Variants in AOAH observed in about 807,000 individuals in gnomAD.
The protein encoded by AOAH is acyloxyacyl hydrolase (neutrophil).
Under a neutral mutation model 92.2 loss-of-function variants are expected in AOAH, and 64 were observed. The ratio of observed to expected loss-of-function variants is 0.69; its 90% confidence interval spans 0.57 to 0.86. The LOEUF (loss-of-function observed/expected upper bound fraction) is 0.86, where lower values mean the gene tolerates loss of function less well. AOAH is among the 40% of genes least tolerant of loss of function. The pLI, the probability that AOAH is intolerant of heterozygous loss-of-function variation, is 0.00. For synonymous variants in AOAH, 263 were observed against 254.5 expected, an observed-to-expected ratio of 1.03 and a Z score of -0.32; for missense variants, 656 against 694.6, an observed-to-expected ratio of 0.94 and a Z score of 0.62.
At chr7:36,544,069 C>A (rs1320429493) in intron 15 of AOAH, among the ~76,000 whole-genome samples, 2 of 151,358 alleles carry the variant, frequency 1.3e-5, no homozygotes, top group Non-Finnish European at 2.9e-5. Context: ...GCCCCAGCCT[C>A]CCAAGTAGCT....
chr7:36,618,442 A>T, intron 9 of AOAH, 97 bp from the exon 10 acceptor site: 1 of 1,066,252 alleles, frequency 9.4e-7, no homozygotes, highest in Non-Finnish European at 1.4e-6. Context: ...CACAAAGGCA[A>T]ATGAGTAGAT....
chr7:36,544,831 G>A (rs545368305), intron 15 of AOAH, among the ~76,000 whole-genome samples: 1 of 152,228 alleles, frequency 6.6e-6, no homozygotes, highest in Admixed American at 6.5e-5. Flanking sequence ...AGAGAGAGGT[G>A]TCCCTTCCAA....
intron 1 of AOAH, among the ~76,000 whole-genome samples, chr7:36,688,833 A>C (rs191787323): frequency 2.2e-5 from 3 of 137,822 alleles, no homozygotes; most frequent in African/African-American, 9.2e-5. Flanking sequence ...GTGTATATAT[A>C]CATATATATA....
At chr7:36,705,321 C>T (rs1315201193) in intron 1 of AOAH, among the ~76,000 whole-genome samples, 1 of 152,196 alleles carries the variant, frequency 6.6e-6, no homozygotes, top group Non-Finnish European at 1.5e-5. Context: ...GCAAAAATCA[C>T]AAGCATTCCA....
At chr7:36,618,021 C>A (rs528657589) in intron 10 of AOAH, among the ~76,000 whole-genome samples, 2 of 152,362 alleles carry the variant, frequency 1.3e-5, no homozygotes, top group East Asian at 3.9e-4. Flanking sequence ...ATTCCCATTG[C>A]TCTTTTATCC....
At chr7:36,659,583 G>A (rs1795086948) in intron 3 of AOAH, among the ~76,000 whole-genome samples, 1 of 152,096 alleles carries the variant, frequency 6.6e-6, no homozygotes, top group African/African-American at 2.4e-5. Context: ...AGAAAAAGTG[G>A]GCAGGGACGT....
chr7:36,521,989 C>T (rs765807496), intron 20 of AOAH, 50 bp downstream of exon 20: 4 of 1,502,486 alleles, frequency 2.7e-6, no homozygotes, highest in African/African-American at 1.4e-5. Context: ...TAATTAAAAA[C>T]CAACAAACCA....
intron 1 of AOAH, among the ~76,000 whole-genome samples, chr7:36,718,154 T>C (rs1202868034): frequency 1.3e-5 from 2 of 152,132 alleles, no homozygotes; most frequent in East Asian, 1.9e-4. Context: ...AATATTTGAA[T>C]AGAAATTTTT....
rs766417640 is a variant in AOAH, at chr7:36,576,663, C to T, written c.939-7G>A. The T allele has an allele frequency of 1.4e-6, 2 of 1,424,854 alleles. No homozygotes were observed. The highest frequency in any genetic ancestry group is 1.8e-5 in the Admixed American group (1 of 55,168). 88.3% of individuals were successfully genotyped at this position (1,424,854 alleles called of 1,614,324 possible). On this transcript the variant is annotated splice_polypyrimidine_tract_variant and splice_region_variant and intron_variant, in intron 12 of 20. Coordinates refer to ENST00000617537, the MANE Select transcript of AOAH (RefSeq NM_001637.4). ...AATAGATTTTTCTTTAATTCTGAAA[C>T]AAATATATATGTATATATTTAAGGT...
intron 19 of AOAH, among the ~76,000 whole-genome samples, chr7:36,524,845 CT>C (rs1338863031): frequency 6.6e-6 from 1 of 151,962 alleles, no homozygotes; most frequent in Non-Finnish European, 1.5e-5. Context: ...TGATTTTAAA[CT>C]TTTAGCCTCC....
At position 36,602,913 on chromosome 7, in the gene AOAH, C is replaced by T. The variant is rs150013124; in HGVS notation, c.847-8483G>A. Among the ~76,000 whole-genome samples, 1,049 of 152,236 alleles carry T rather than the reference C, an allele frequency of 6.9e-3. 7 individuals are homozygous for T. The highest frequency in any genetic ancestry group is 0.024 in the African/African-American group (998 of 41,534). ...ATGATGATCTCATTTTCTTTCTCTCCGCTCTTTCACTTTATACCAAGAGGC... is the reference window on the plus strand; with the variant it reads ...ATGATGATCTCATTTTCTTTCTCTCTGCTCTTTCACTTTATACCAAGAGGC... On this transcript the variant is annotated intron_variant, in intron 11 of 20. Transcript: ENST00000617537.
chr7:36,513,615 C>T (rs767787999), intron 20 of AOAH, among the ~76,000 whole-genome samples: 15 of 152,212 alleles, frequency 9.9e-5, no homozygotes, highest in African/African-American at 2.2e-4. Flanking sequence ...TGTCACATTG[C>T]GTGAGGCTTG....
At chr7:36,622,365 G>A (rs919911635) in intron 7 of AOAH, among the ~76,000 whole-genome samples, 1 of 152,160 alleles carries the variant, frequency 6.6e-6, no homozygotes, top group African/African-American at 2.4e-5. Context: ...CTAGCCAAAT[G>A]GTTAATTATG....
chr7:36,540,572 T>TCA lies in AOAH; in HGVS notation c.1134-83_1134-82dup, dbSNP rs1785358403. On this transcript the variant is annotated intron_variant, in intron 15 of 20. Coordinates refer to ENST00000617537, the MANE Select transcript of AOAH (RefSeq NM_001637.4). ...AAGTTGCACGCAAATACAAGATACA[T>TCA]CACACACACATACGCACACACACAC... The TCA allele has an allele frequency of 1.1e-4, 132 of 1,248,378 alleles. 2 individuals are homozygous for TCA. The South Asian group carries it at 1.7e-3, about 16-fold the overall frequency. 77.3% of individuals were successfully genotyped at this position (1,248,378 alleles called of 1,614,324 possible). A position where few individuals can be genotyped will look rare whatever the true frequency, so the allele number is the denominator to read the frequency against.
chr7:36,539,402 A>T (rs920341112), intron 16 of AOAH, among the ~76,000 whole-genome samples: 1 of 152,176 alleles, frequency 6.6e-6, no homozygotes, highest in Non-Finnish European at 1.5e-5. Flanking sequence ...ATCAGGGAAG[A>T]CTGAGGCCAG....
intron 13 of AOAH, among the ~76,000 whole-genome samples, chr7:36,557,777 C>T (rs960983901): frequency 3.3e-5 from 5 of 152,178 alleles, no homozygotes; most frequent in Admixed American, 1.3e-4. Context: ...TTGATTGCAT[C>T]GGCTCCTGAG....
At chr7:36,575,961 T>C (rs920865154) in intron 13 of AOAH, among the ~76,000 whole-genome samples, 1 of 152,218 alleles carries the variant, frequency 6.6e-6, no homozygotes, top group African/African-American at 2.4e-5. Flanking sequence ...ATTAGCAATA[T>C]CTTTCCCAGG....
chr7:36,637,188 T>A (rs1003052091), intron 5 of AOAH, among the ~76,000 whole-genome samples: 1 of 152,150 alleles, frequency 6.6e-6, no homozygotes, highest in African/African-American at 2.4e-5. Flanking sequence ...GAGGACAAAT[T>A]AAGGAAACAT....
intron 4 of AOAH, among the ~76,000 whole-genome samples, chr7:36,642,975 G>A (rs1794004575): frequency 6.6e-6 from 1 of 152,206 alleles, no homozygotes; most frequent in Admixed American, 6.5e-5. Flanking sequence ...TAATAGCGTT[G>A]TGAGGATTGA....
Sources: gnomAD v4.1 joint callset for allele counts (sites outside exome capture counted in the v4.1 genomes callset) on GRCh38, gnomAD v4.1.1 for gene constraint, MANE v1.5 for transcripts, NCBI Gene and HGNC (gene_info 2026-07-23, HGNC 2026-07-21) for gene names.